Variants in LYPD5 observed in about 807,000 individuals in gnomAD.
LYPD5 encodes LY6/PLAUR domain containing 5, also known as ly6/PLAUR domain-containing protein 5.
LYPD5 carries 21 observed loss-of-function variants against 19.1 expected under a neutral mutation model. The observed-to-expected ratio is 1.10, with a 90% confidence interval of 0.78 to 1.58. The LOEUF is 1.58. Among genes scored for constraint, LYPD5 ranks in the 40% most tolerant of loss-of-function variants. The probability of loss-of-function intolerance (pLI) is 0.00; values close to 1 mark genes in which losing one functional copy is unlikely to be tolerated. For synonymous variants in LYPD5, 128 were observed against 142.7 expected (o/e 0.90, Z 0.74); for missense variants, 287 against 329.8 (o/e 0.87, Z 1.00).
At chr19:43,799,904 C>G (rs1970200806) in intron 1 of LYPD5, 70 bp from the exon 2 acceptor site, 1 of 1,505,984 alleles carries the variant, frequency 6.6e-7, no homozygotes, top group Admixed American at 2.2e-5. Context: ...GAGCTCCACC[C>G]AGCAAATGAC....
upstream of LYPD5, among the ~76,000 whole-genome samples, chr19:43,805,310 TCAAA>T (rs1482323038): frequency 1.3e-5 from 2 of 152,226 alleles, no homozygotes; most frequent in African/African-American, 4.8e-5. Flanking sequence ...ATTCCATTAA[TCAAA>T]CAAGTCATAA....
intron 1 of LYPD5, among the ~76,000 whole-genome samples, chr19:43,800,821 C>CATGGT (rs1970213034): frequency 6.6e-6 from 1 of 151,898 alleles, no homozygotes; most frequent in Admixed American, 6.6e-5. Context: ...ATTAGCTGGG[C>CATGGT]ATGGTGGTGC....
chr19:43,799,696 C>G lies in LYPD5; in HGVS notation c.193+10G>C, dbSNP rs752893556. On this transcript the variant is annotated intron_variant, in intron 2 of 4. Transcript: ENST00000377950. ...TCTCTCATCCCTGTCCCCCGGCTCC[C>G]GCTCCTTACCGGTGTCCAGAGACAG... 6.8e-6 allele frequency: 11 copies of G among 1,611,484 alleles called. No individual in the cohort carries two copies. The highest frequency in any genetic ancestry group is 8.5e-6 in the Non-Finnish European group (10 of 1,179,048).
At chr19:43,814,440 G>C (rs1003888205) in intron 1 of LYPD5, among the ~76,000 whole-genome samples, 1 of 152,192 alleles carries the variant, frequency 6.6e-6, no homozygotes, top group African/African-American at 2.4e-5. Flanking sequence ...GCTGCAGTGT[G>C]CTATGATCCT....
intron 1 of LYPD5, among the ~76,000 whole-genome samples, chr19:43,816,474 CTGCAGTCCTTACCA>C (rs1970377176): frequency 6.6e-6 from 1 of 152,206 alleles, no homozygotes. Flanking sequence ...CAAGACAGTG[CTGCAGTCCTTACCA>C]TGCACACATG....
At chr19:43,803,402 G>C (rs774474500), upstream of LYPD5, among the ~76,000 whole-genome samples, 4 of 152,322 alleles carry the variant, frequency 2.6e-5, no homozygotes, top group Non-Finnish European at 5.9e-5. Context: ...CCCCAGGCTA[G>C]CACCTCCTGG....
At chr19:43,806,873 C>T (rs974836385), upstream of LYPD5, among the ~76,000 whole-genome samples, 2 of 152,210 alleles carry the variant, frequency 1.3e-5, no homozygotes, top group African/African-American at 4.8e-5. Flanking sequence ...CACAATCAGT[C>T]TCTGGTGCTC....
intron 1 of LYPD5, among the ~76,000 whole-genome samples, chr19:43,808,431 A>C (rs953708559): frequency 6.6e-6 from 1 of 152,228 alleles, no homozygotes; most frequent in Non-Finnish European, 1.5e-5. Context: ...AAGGTGAATA[A>C]TTTTTAAGAG....
At chr19:43,811,515 G>A (rs1168254564) in intron 1 of LYPD5, among the ~76,000 whole-genome samples, 1 of 152,108 alleles carries the variant, frequency 6.6e-6, no homozygotes, top group Admixed American at 6.5e-5. Context: ...GCGAAACTCT[G>A]TCTCTACTAA....
chr19:43,801,309 G>A (rs1970221437), intron 1 of LYPD5, among the ~76,000 whole-genome samples: 1 of 152,278 alleles, frequency 6.6e-6, no homozygotes, highest in South Asian at 2.1e-4. Flanking sequence ...AGACCAGCCT[G>A]GGCAACATAG....
intron 1 of LYPD5, among the ~76,000 whole-genome samples, chr19:43,812,787 T>C (rs1194106494): frequency 6.6e-6 from 1 of 152,230 alleles, no homozygotes; most frequent in Non-Finnish European, 1.5e-5. Context: ...GTCAAATTTA[T>C]ACTCTTTTAA....
chr19:43,812,772 C>T (rs770477915), intron 1 of LYPD5, among the ~76,000 whole-genome samples: 1 of 152,202 alleles, frequency 6.6e-6, no homozygotes, highest in Non-Finnish European at 1.5e-5. Flanking sequence ...AAAGGCAGTT[C>T]TGCAGTCAAA....
At chr19:43,811,642 C>T (rs1490717072) in intron 1 of LYPD5, among the ~76,000 whole-genome samples, 4 of 150,498 alleles carry the variant, frequency 2.7e-5, no homozygotes, top group African/African-American at 4.9e-5. Flanking sequence ...GCAGAGATCA[C>T]GCCACTGCCC....
chr19:43,805,000 C>T (rs1392054837), upstream of LYPD5, among the ~76,000 whole-genome samples: 1 of 152,148 alleles, frequency 6.6e-6, no homozygotes, highest in Non-Finnish European at 1.5e-5. Context: ...AGTGTCAGCT[C>T]CCTGTACCTT....
At chr19:43,813,769 C>T (rs1970346278) in intron 1 of LYPD5, among the ~76,000 whole-genome samples, 1 of 152,154 alleles carries the variant, frequency 6.6e-6, no homozygotes, top group Non-Finnish European at 1.5e-5. Flanking sequence ...CTCATTGCAA[C>T]CTCTGCCTCC....
chr19:43,813,088 G>A (rs1189109466), intron 1 of LYPD5, among the ~76,000 whole-genome samples: 1 of 152,182 alleles, frequency 6.6e-6, no homozygotes, highest in Non-Finnish European at 1.5e-5. Context: ...GCCCCATTCA[G>A]GAGATGTCTT....
intron 1 of LYPD5, among the ~76,000 whole-genome samples, chr19:43,809,746 A>G (rs888149856): frequency 2.0e-5 from 3 of 152,236 alleles, no homozygotes; most frequent in African/African-American, 4.8e-5. Flanking sequence ...TAGAGTAAAT[A>G]ATTAGATGAA....
intron 1 of LYPD5, among the ~76,000 whole-genome samples, chr19:43,816,816 T>C (rs972543339): frequency 2.7e-4 from 41 of 152,064 alleles, no homozygotes; most frequent in African/African-American, 9.7e-4. Flanking sequence ...GTTTCCCCCA[T>C]ACCGTTCTCA....
At chr19:43,798,785 G>C in intron 3 of LYPD5, 27 bp downstream of exon 3, 1 of 1,591,280 alleles carries the variant, frequency 6.3e-7, no homozygotes, top group Non-Finnish European at 8.6e-7. Flanking sequence ...CGTCCCTCCC[G>C]GAGCCCAGCC....
Sources: allele counts gnomAD v4.1 joint callset (sites outside exome capture counted in the v4.1 genomes callset), GRCh38; gene constraint gnomAD v4.1.1; transcripts MANE v1.5; gene names NCBI Gene and HGNC (gene_info 2026-07-23, HGNC 2026-07-21).